Variants in CHST12 observed in about 807,000 individuals in gnomAD.
CHST12 encodes the protein carbohydrate sulfotransferase 12.
In CHST12, 23 loss-of-function variants were observed where a neutral mutation model predicts 27.9. The observed-to-expected ratio is 0.82, with a 90% CI of 0.59 to 1.17. The LOEUF is 1.17. CHST12 is among the 50% of genes most tolerant of loss of function. The probability of loss-of-function intolerance (pLI) is 0.00; values close to 1 mark genes in which losing one functional copy is unlikely to be tolerated. For synonymous variants in CHST12, 322 were observed against 273.0 expected, an observed-to-expected ratio of 1.18 and a Z score of -1.77; for missense variants, 682 against 603.0, an observed-to-expected ratio of 1.13 and a Z score of -1.37.
intron 1 of CHST12, among the ~76,000 whole-genome samples, chr7:2,416,758 G>T (rs188679279): frequency 3.3e-5 from 5 of 152,214 alleles, no homozygotes; most frequent in African/African-American, 7.2e-5. Context: ...GGGAAGAGGG[G>T]AAGAAAAGGA....
intron 1 of CHST12, among the ~76,000 whole-genome samples, chr7:2,411,032 A>C (rs115618055): frequency 9.2e-4 from 140 of 152,158 alleles, no homozygotes; most frequent in African/African-American, 3.2e-3. Flanking sequence ...GGACTTGACA[A>C]GTTAGAGCCT....
rs1355113196 is a variant in CHST12, at chr7:2,444,089, C to G, written c.*10205C>G. On this transcript the variant is annotated 3_prime_UTR_variant, in exon 2 of 2. Coordinates refer to ENST00000618655, the MANE Select transcript of CHST12 (RefSeq NM_018641.5). ...CACGAGGTCAGGAGATCGAGACCAT[C>G]CCGGCTAAAACGGTGAAACCCCGTC... 5.3e-5 allele frequency: 8 copies of G among 151,304 alleles called. No homozygotes were observed. In the Middle Eastern group the frequency reaches 0.01, roughly 193 times the overall value. The allele number at this position is 151,304 out of a possible 1,614,324, so 9.4% of individuals were successfully genotyped here. A position where few individuals can be genotyped will look rare whatever the true frequency, so the allele number is the denominator to read the frequency against.
Position 2,439,460 on chromosome 7 carries a change from G to A in CHST12, c.*5576G>A, listed in dbSNP as rs1782549227. The A allele has an allele frequency of 6.6e-6, 1 of 151,356 alleles. No individual in the cohort carries two copies. Among genetic ancestry groups the A allele is most frequent in the Non-Finnish European group, 1.5e-5 (1 of 67,874 alleles). The allele number at this position is 151,356 out of a possible 1,614,324, so 9.4% of individuals were successfully genotyped here. On this transcript the variant is annotated 3_prime_UTR_variant, in exon 2 of 2. Coordinates refer to ENST00000618655, the MANE Select transcript of CHST12 (RefSeq NM_018641.5). ...AGAGTTTCTTTCTGTCATCCAGGCT[G>A]GAGTGCAGTGGTGTGATCATAGCTC...
chr7:2,417,131 T>C (rs1172953532), intron 1 of CHST12, among the ~76,000 whole-genome samples: 1 of 151,902 alleles, frequency 6.6e-6, no homozygotes, highest in African/African-American at 2.4e-5. Context: ...GGAGAGCCAA[T>C]GGTATGACTC....
rs1432220874 is a variant in CHST12, at chr7:2,442,988, C to G, written c.*9104C>G. 3.3e-5 allele frequency: 5 copies of G among 152,166 alleles called. No homozygotes were observed. Among genetic ancestry groups the G allele is most frequent in the Admixed American group, 1.3e-4 (2 of 15,274 alleles). 9.4% of individuals were successfully genotyped at this position (152,166 alleles called of 1,614,324 possible). A position where few individuals can be genotyped will look rare whatever the true frequency, so the allele number is the denominator to read the frequency against. The stretch of plus-strand genomic sequence containing the variant: ...CTAGGCTGGAGTGCAGTGGCATGAT[C>G]TCGGCTCACTGCAACCCCTGCTTCC... On this transcript the variant is annotated 3_prime_UTR_variant, in exon 2 of 2. Coordinates refer to ENST00000618655, the MANE Select transcript of CHST12 (RefSeq NM_018641.5).
chr7:2,413,565 C>T (rs1316874444), intron 1 of CHST12, among the ~76,000 whole-genome samples: 2 of 152,012 alleles, frequency 1.3e-5, no homozygotes, highest in African/African-American at 4.8e-5. Context: ...CGATTTTGGC[C>T]TCTTTTAAAT....
In CHST12 at chr7:2,440,371, G is replaced by C. The variant is rs941742570; in HGVS notation, c.*6487G>C. ...TGTGCGAGTGCATGTGCAAGTGTGC[G>C]TGCAAGTGTGAGTCTGCACTTGTGT... On this transcript the variant is annotated 3_prime_UTR_variant, in exon 2 of 2. Transcript: ENST00000618655. The C allele has an allele frequency of 6.5e-6, 1 of 153,266 alleles. No individual in the cohort carries two copies. The highest frequency in any genetic ancestry group is 1.5e-5 in the Non-Finnish European group (1 of 68,260). The allele number at this position is 153,266 out of a possible 1,614,324, so 9.5% of individuals were successfully genotyped here.
intron 1 of CHST12, among the ~76,000 whole-genome samples, chr7:2,412,138 A>G (rs910567468): frequency 6.6e-6 from 1 of 152,212 alleles, no homozygotes; most frequent in Non-Finnish European, 1.5e-5. Context: ...ATAAATCAAC[A>G]TTCCATTCTC....
chr7:2,421,473 G>A (rs1055643761), intron 1 of CHST12, among the ~76,000 whole-genome samples: 3 of 134,642 alleles, frequency 2.2e-5, no homozygotes, highest in Non-Finnish European at 3.1e-5. Context: ...GTCTCGCTCT[G>A]TTGCCCAGGC....
At chr7:2,425,508 G>A (rs898427253) in intron 1 of CHST12, among the ~76,000 whole-genome samples, 6 of 152,284 alleles carry the variant, frequency 3.9e-5, no homozygotes, top group East Asian at 3.9e-4. Context: ...GGCCTCTGAC[G>A]GAGATGAGTG....
At chr7:2,424,166 C>T (rs1022219231) in intron 1 of CHST12, among the ~76,000 whole-genome samples, 1 of 152,152 alleles carries the variant, frequency 6.6e-6, no homozygotes, top group African/African-American at 2.4e-5. Context: ...GCAGCCTGGG[C>T]AACATAGGGA....
chr7:2,420,234 A>G (rs1384390264), intron 1 of CHST12, among the ~76,000 whole-genome samples: 2 of 151,930 alleles, frequency 1.3e-5, no homozygotes, highest in African/African-American at 4.8e-5. Context: ...CGGCTTCCCA[A>G]AGTGCTGGGA....
chr7:2,417,027 T>G (rs1200056855), intron 1 of CHST12, among the ~76,000 whole-genome samples: 1 of 152,172 alleles, frequency 6.6e-6, no homozygotes, highest in East Asian at 1.9e-4. Flanking sequence ...TTCGGGGTCC[T>G]GAGATTTTAT....
rs1781683156 is a variant in CHST12 at position 2,412,103 on chromosome 7, A to G, written c.-78+8430A>G. On this transcript the variant is annotated intron_variant, in intron 1 of 1. Transcript: ENST00000618655. ...TACTTCAAAGGCTAAGTTTGGGCTC[A>G]GTTTTCATTCAGGTCTCCTGGGATA... Among the ~76,000 whole-genome samples the G allele has an allele frequency of 3.3e-5, 5 of 152,214 alleles. 1 individual carries two copies. In the South Asian group the frequency reaches 6.2e-4, roughly 19 times the overall value.
Position 2,440,720 on chromosome 7 carries a change from CAAG to C in CHST12, c.*6842_*6844del, listed in dbSNP as rs1443074865. On this transcript the variant is annotated 3_prime_UTR_variant, in exon 2 of 2. Coordinates refer to ENST00000618655, the MANE Select transcript of CHST12 (RefSeq NM_018641.5). ...TCACCTTCACACTTCCAGAAACTGCCAAGAAGAATGCCGCCGCTCAGGTTTATC... is the reference window on the plus strand; with the variant it reads ...TCACCTTCACACTTCCAGAAACTGCCAAGAATGCCGCCGCTCAGGTTTATC... 1 of 152,154 alleles carries C rather than the reference CAAG, an allele frequency of 6.6e-6. No individual in the cohort carries two copies. The highest frequency in any genetic ancestry group is 1.9e-4 in the East Asian group (1 of 5,196). 9.4% of individuals were successfully genotyped at this position (152,154 alleles called of 1,614,324 possible).
chr7:2,406,837 C>T (rs1438564985), intron 1 of CHST12, among the ~76,000 whole-genome samples: 1 of 152,020 alleles, frequency 6.6e-6, no homozygotes, highest in Non-Finnish European at 1.5e-5. Context: ...CTGAAGAAAA[C>T]CTCTGCTACA....
chr7:2,441,471 T>C lies in CHST12; in HGVS notation c.*7587T>C, dbSNP rs891027116. On this transcript the variant is annotated 3_prime_UTR_variant, in exon 2 of 2. Coordinates refer to ENST00000618655, the MANE Select transcript of CHST12 (RefSeq NM_018641.5). Reference sequence around the variant, plus strand: ...ATTTTGGGAGCTCAAGGCAGGAGTATTGCTTGAGCCCAGAAGTTTGAGACC... The same window carrying C: ...ATTTTGGGAGCTCAAGGCAGGAGTACTGCTTGAGCCCAGAAGTTTGAGACC... The C allele has an allele frequency of 6.6e-6, 1 of 152,230 alleles. No individual in the cohort carries two copies. The highest frequency in any genetic ancestry group is 2.4e-5 in the African/African-American group (1 of 41,440). The allele number at this position is 152,230 out of a possible 1,614,324, so 9.4% of individuals were successfully genotyped here.
At chr7:2,420,499 C>A (rs544804429) in intron 1 of CHST12, among the ~76,000 whole-genome samples, 4 of 152,110 alleles carry the variant, frequency 2.6e-5, no homozygotes, top group Non-Finnish European at 5.9e-5. Context: ...CATGGGTGTG[C>A]AAGCATCTCT....
chr7:2,428,454 G>C (rs1782191270), intron 1 of CHST12, among the ~76,000 whole-genome samples: 1 of 152,120 alleles, frequency 6.6e-6, no homozygotes, highest in Non-Finnish European at 1.5e-5. Context: ...AGGCGGATCA[G>C]CAGGTCGAGA....
Sources: gnomAD v4.1 joint callset for allele counts (sites outside exome capture counted in the v4.1 genomes callset) on GRCh38, gnomAD v4.1.1 for gene constraint, MANE v1.5 for transcripts, NCBI Gene and HGNC (gene_info 2026-07-23, HGNC 2026-07-21) for gene names.